Variants in PBX3 observed in about 807,000 individuals in gnomAD.
PBX3 encodes the protein pre-B-cell leukemia transcription factor 3.
Under a neutral mutation model 48.5 loss-of-function variants are expected in PBX3, and 14 were observed. The ratio of observed to expected loss-of-function variants is 0.29; its 90% CI spans 0.19 to 0.45. The LOEUF is 0.45. PBX3 is among the 20% of genes least tolerant of loss of function. The pLI is 1.00. For synonymous variants in PBX3, 210 were observed against 200.3 expected, an observed-to-expected ratio of 1.05 and a Z score of -0.41; for missense variants, 386 against 546.7, an observed-to-expected ratio of 0.71 and a Z score of 2.93.
chr9:125,938,186 G>T (rs768497959), intron 5 of PBX3, among the ~76,000 whole-genome samples: 4 of 152,150 alleles, frequency 2.6e-5, no homozygotes, highest in Non-Finnish European at 4.4e-5. Flanking sequence ...GGAAACTTCA[G>T]AAGAAGTGTA....
At chr9:125,920,883 A>C (rs1314841729) in intron 3 of PBX3, among the ~76,000 whole-genome samples, 1 of 152,200 alleles carries the variant, frequency 6.6e-6, no homozygotes, top group Non-Finnish European at 1.5e-5. Context: ...GTGAAAATTT[A>C]AACTACTGTA....
At chr9:125,882,562 A>G (rs1455457744) in intron 2 of PBX3, among the ~76,000 whole-genome samples, 1 of 152,224 alleles carries the variant, frequency 6.6e-6, no homozygotes, top group Non-Finnish European at 1.5e-5. Context: ...TCTTATCACT[A>G]CAGAAATCAT....
At chr9:125,760,672 G>A (rs1836642555) in intron 2 of PBX3, among the ~76,000 whole-genome samples, 1 of 152,030 alleles carries the variant, frequency 6.6e-6, no homozygotes, top group Non-Finnish European at 1.5e-5. Flanking sequence ...ACAGCATGAT[G>A]GCACATTGTG....
chr9:125,838,573 T>C (rs1008739298), intron 2 of PBX3, among the ~76,000 whole-genome samples: 133 of 152,330 alleles, frequency 8.7e-4, no homozygotes, highest in African/African-American at 2.8e-3. Context: ...TTGCAGGATA[T>C]GAAAAATCTG....
intron 2 of PBX3, among the ~76,000 whole-genome samples, chr9:125,788,496 CAGACAATATAAAAGCAT>C (rs2132055476): frequency 6.6e-6 from 1 of 152,260 alleles, no homozygotes; most frequent in African/African-American, 2.4e-5. Flanking sequence ...CAAAAGATTT[CAGACAATATAAAAGCAT>C]AGATAAAATA....
intron 2 of PBX3, chr9:125,843,758 A>C (rs1415102949): frequency 2.2e-6 from 1 of 454,948 alleles, no homozygotes; most frequent in Admixed American, 2.4e-5. Flanking sequence ...AGCTGAGCTC[A>C]GTGAAGGGAG....
At chr9:125,958,762 C>A (rs1842363908) in intron 5 of PBX3, among the ~76,000 whole-genome samples, 1 of 152,154 alleles carries the variant, frequency 6.6e-6, no homozygotes, top group African/African-American at 2.4e-5. Context: ...TGAGAACTCA[C>A]TATAAATCTG....
intron 2 of PBX3, among the ~76,000 whole-genome samples, chr9:125,763,123 T>A (rs952378872): frequency 1.3e-5 from 2 of 152,222 alleles, no homozygotes; most frequent in Non-Finnish European, 2.9e-5. Context: ...GCCAATGGCA[T>A]AAAATATTTT....
Position 125,785,363 on chromosome 9 carries a change from CA to C in PBX3, c.274+36743del, listed in dbSNP as rs374800150. On this transcript the variant is annotated intron_variant, in intron 2 of 8. Transcript: ENST00000373489. ...CAATCAGCTGCCAGTGCAGCTAGAA[CA>C]AAGCAGGAAGAAGGTGGGGTAACCT... Among the ~76,000 whole-genome samples the C allele has an allele frequency of 3.8e-3, 576 of 152,302 alleles. 2 individuals carry two copies. Among genetic ancestry groups the C allele is most frequent in the African/African-American group, 0.012 (506 of 41,558 alleles).
At chr9:125,848,403 A>T (rs930138606) in intron 2 of PBX3, among the ~76,000 whole-genome samples, 7 of 152,086 alleles carry the variant, frequency 4.6e-5, no homozygotes, top group African/African-American at 1.7e-4. Context: ...AGTTTCATGC[A>T]TGTCATTATT....
intron 2 of PBX3, among the ~76,000 whole-genome samples, chr9:125,847,038 G>A (rs1298453238): frequency 1.3e-5 from 2 of 151,854 alleles, no homozygotes; most frequent in African/African-American, 2.4e-5. Context: ...TTTCCTACAA[G>A]TTGAGAGTTG....
At chr9:125,893,326 TTAATC>T (rs1474648003) in intron 2 of PBX3, among the ~76,000 whole-genome samples, 1 of 152,224 alleles carries the variant, frequency 6.6e-6, no homozygotes, top group Non-Finnish European at 1.5e-5. Context: ...AATCGAGACT[TTAATC>T]TGTGGACTCT....
At chr9:125,881,047 C>T (rs1005534946) in intron 2 of PBX3, among the ~76,000 whole-genome samples, 1 of 152,196 alleles carries the variant, frequency 6.6e-6, no homozygotes, top group Non-Finnish European at 1.5e-5. Flanking sequence ...TTAAGGGTTT[C>T]ACTTTGACAG....
intron 2 of PBX3, among the ~76,000 whole-genome samples, chr9:125,770,643 A>T (rs917305666): frequency 6.6e-6 from 1 of 152,182 alleles, no homozygotes; most frequent in Non-Finnish European, 1.5e-5. Flanking sequence ...TGCTATTTAG[A>T]TTCTTAAAAA....
intron 6 of PBX3, among the ~76,000 whole-genome samples, chr9:125,961,804 G>A (rs1012073949): frequency 6.6e-6 from 1 of 152,186 alleles, no homozygotes; most frequent in Admixed American, 6.5e-5. Context: ...AAGGGTCCAG[G>A]CCAGCTGCTG....
chr9:125,770,009 T>G (rs138893973), intron 2 of PBX3, among the ~76,000 whole-genome samples: 13 of 152,282 alleles, frequency 8.5e-5, no homozygotes, highest in African/African-American at 3.1e-4. Context: ...TTTTGCAGTA[T>G]TGAAAAACGG....
At chr9:125,849,211 T>C (rs1017144826) in intron 2 of PBX3, among the ~76,000 whole-genome samples, 3 of 152,012 alleles carry the variant, frequency 2.0e-5, no homozygotes, top group Admixed American at 2.0e-4. Flanking sequence ...GAATGTTCCA[T>C]AAATTCTCAG....
At chr9:125,806,839 A>G (rs1468550975) in intron 2 of PBX3, among the ~76,000 whole-genome samples, 3 of 152,254 alleles carry the variant, frequency 2.0e-5, no homozygotes, top group Admixed American at 6.5e-5. Flanking sequence ...TTTGGAGTGC[A>G]GAAGAGATTG....
At chr9:125,885,185 A>C (rs1289024027) in intron 2 of PBX3, among the ~76,000 whole-genome samples, 4 of 152,188 alleles carry the variant, frequency 2.6e-5, no homozygotes, top group African/African-American at 9.6e-5. Context: ...ATAAAAATAC[A>C]TACATAGTAT....
Sources: gnomAD v4.1 joint callset for allele counts (sites outside exome capture counted in the v4.1 genomes callset) on GRCh38, gnomAD v4.1.1 for gene constraint, MANE v1.5 for transcripts, NCBI Gene and HGNC (gene_info 2026-07-23, HGNC 2026-07-21) for gene names.